Variants in ANKS1B observed in about 807,000 individuals in gnomAD.
ANKS1B encodes the protein ankyrin repeat and sterile alpha motif domain containing 1B.
A neutral mutation model predicts 148.3 loss-of-function variants in ANKS1B; 36 were observed. That is an observed-to-expected ratio of 0.24 (90% CI 0.19 to 0.32). The LOEUF is 0.32. ANKS1B is among the 10% of genes least tolerant of loss of function. The pLI is 1.00. For synonymous variants in ANKS1B, 542 were observed against 560.8 expected (o/e 0.97, Z 0.47); for missense variants, 1,157 against 1,542.6 (o/e 0.75, Z 4.19).
intron 1 of ANKS1B, among the ~76,000 whole-genome samples, chr12:99,978,102 G>A (rs991833182): frequency 6.6e-6 from 1 of 152,138 alleles, no homozygotes; most frequent in Non-Finnish European, 1.5e-5. Flanking sequence ...AATTATTTCA[G>A]TATATAACTG....
In ANKS1B at chr12:99,184,460, A is replaced by C. The variant is rs143926008; in HGVS notation, c.2420-30065T>G. 4.5e-3 allele frequency among the ~76,000 whole-genome samples: 684 copies of C among 152,308 alleles called. 5 individuals carry two copies. The highest frequency in any genetic ancestry group is 0.016 in the African/African-American group (664 of 41,566). ...AGACTTAGGGCTACAAGTTCATATT[A>C]GAAACATCCCCTAGACCTAGAGTTA... On this transcript the variant is annotated intron_variant, in intron 14 of 26. Transcript: ENST00000683438.
chr12:98,776,361 A>G (rs2098674748), intron 24 of ANKS1B, among the ~76,000 whole-genome samples: 2 of 152,242 alleles, frequency 1.3e-5, no homozygotes, highest in Admixed American at 6.5e-5. Flanking sequence ...GACTCCTCAC[A>G]TGTTGATCAG....
intron 17 of ANKS1B, among the ~76,000 whole-genome samples, chr12:99,033,622 C>A (rs1012608867): frequency 6.6e-6 from 1 of 151,968 alleles, no homozygotes; most frequent in Non-Finnish European, 1.5e-5. Flanking sequence ...CAAGATCGCA[C>A]CACTGCACTC....
intron 1 of ANKS1B, among the ~76,000 whole-genome samples, chr12:99,952,161 T>C (rs1442658255): frequency 1.3e-5 from 2 of 152,178 alleles, no homozygotes; most frequent in East Asian, 1.9e-4. Context: ...TTGGGTCACA[T>C]AACCAAGTCC....
At chr12:99,768,668 T>C (rs1467589345) in intron 8 of ANKS1B, among the ~76,000 whole-genome samples, 1 of 151,378 alleles carries the variant, frequency 6.6e-6, no homozygotes, top group Admixed American at 6.6e-5. Context: ...TCTACTAAAA[T>C]ACAAAAAATT....
At chr12:99,301,042 C>T (rs530142539) in intron 12 of ANKS1B, among the ~76,000 whole-genome samples, 19 of 152,196 alleles carry the variant, frequency 1.2e-4, no homozygotes, top group East Asian at 3.9e-4. Context: ...CTCTGAGAAC[C>T]GGGGAGCCAA....
intron 12 of ANKS1B, among the ~76,000 whole-genome samples, chr12:99,320,131 C>T (rs1435844937): frequency 2.0e-5 from 3 of 152,124 alleles, no homozygotes; most frequent in Non-Finnish European, 4.4e-5. Context: ...AATATTTTTT[C>T]CTTCATTTCA....
chr12:99,399,574 T>G (rs2094347900), intron 12 of ANKS1B, 57 bp downstream of exon 12: 2 of 1,567,070 alleles, frequency 1.3e-6, no homozygotes, highest in Admixed American at 3.6e-5. Context: ...TTCCTCTAAC[T>G]CATAAATACT....
chr12:99,648,143 C>A (rs1421494627), intron 9 of ANKS1B: 1 of 1,582,322 alleles, frequency 6.3e-7, no homozygotes, highest in Non-Finnish European at 8.6e-7. Flanking sequence ...TGTGGAGCAG[C>A]TGCTGGGAAC....
At chr12:99,457,401 G>C (rs2095864942) in intron 10 of ANKS1B, among the ~76,000 whole-genome samples, 2 of 151,766 alleles carry the variant, frequency 1.3e-5, no homozygotes, top group Admixed American at 1.3e-4. Context: ...CAAATAGCAT[G>C]ATAAACAGAA....
intron 17 of ANKS1B, among the ~76,000 whole-genome samples, chr12:98,912,083 T>C (rs2099787595): frequency 6.6e-6 from 1 of 152,216 alleles, no homozygotes; most frequent in Non-Finnish European, 1.5e-5. Flanking sequence ...CAGGCGCACT[T>C]CTAAATGCTT....
At chr12:99,180,917 C>G (rs1389793132) in intron 14 of ANKS1B, among the ~76,000 whole-genome samples, 1 of 152,152 alleles carries the variant, frequency 6.6e-6, no homozygotes, top group Non-Finnish European at 1.5e-5. Context: ...TGACCTCCTC[C>G]CCTCCCTACT....
chr12:99,929,526 C>T (rs1241732356), intron 1 of ANKS1B, among the ~76,000 whole-genome samples: 2 of 152,110 alleles, frequency 1.3e-5, no homozygotes, highest in African/African-American at 4.8e-5. Context: ...TCAATTTTGG[C>T]TTTTGTTGCC....
At chr12:99,162,494 G>T (rs2076760574) in intron 14 of ANKS1B, among the ~76,000 whole-genome samples, 1 of 151,560 alleles carries the variant, frequency 6.6e-6, no homozygotes, top group East Asian at 1.9e-4. Flanking sequence ...AGTGCTCTGG[G>T]TTTTTTTTCT....
intron 17 of ANKS1B, among the ~76,000 whole-genome samples, chr12:98,877,634 G>A (rs2099694804): frequency 6.6e-6 from 1 of 152,182 alleles, no homozygotes; most frequent in South Asian, 2.1e-4. Context: ...TTTTGGGAAC[G>A]TAGTTTTGAT....
intron 14 of ANKS1B, among the ~76,000 whole-genome samples, chr12:99,181,529 C>A (rs1203250627): frequency 1.3e-5 from 2 of 152,122 alleles, no homozygotes; most frequent in East Asian, 1.9e-4. Flanking sequence ...AGATGGCCTT[C>A]ACAAGAGAAA....
chr12:99,384,272 G>A (rs2093768071), intron 12 of ANKS1B, among the ~76,000 whole-genome samples: 1 of 152,090 alleles, frequency 6.6e-6, no homozygotes, highest in African/African-American at 2.4e-5. Flanking sequence ...CTAACTTATT[G>A]GTTCTGTGAC....
At chr12:99,972,418 G>A (rs2888519) in intron 1 of ANKS1B, among the ~76,000 whole-genome samples, 94,204 of 152,146 alleles carry the variant, frequency 0.62, 30,854 homozygotes, top group African/African-American at 0.77. Flanking sequence ...TAAGAAAGCC[G>A]AAGAGCCTTA....
chr12:99,584,086 G>C (rs960740821), intron 9 of ANKS1B, among the ~76,000 whole-genome samples: 2 of 152,160 alleles, frequency 1.3e-5, no homozygotes, highest in African/African-American at 4.8e-5. Context: ...TGCCAGATAT[G>C]ACAATGTAAA....
Sources: gnomAD v4.1 joint callset for allele counts (sites outside exome capture counted in the v4.1 genomes callset) on GRCh38, gnomAD v4.1.1 for gene constraint, MANE v1.5 for transcripts, NCBI Gene and HGNC (gene_info 2026-07-23, HGNC 2026-07-21) for gene names.